IQSEC1: variants seen among roughly 807,000 people sequenced by gnomAD.
IQSEC1 encodes IQ motif and Sec7 domain ArfGEF 1.
A neutral mutation model predicts 91.0 loss-of-function variants in IQSEC1; 31 were observed. The ratio of observed to expected loss-of-function variants is 0.34; its 90% CI spans 0.26 to 0.46. The LOEUF (loss-of-function observed/expected upper bound fraction) is 0.46. Among genes scored for constraint, IQSEC1 ranks in the 20% least tolerant of loss-of-function variants. The pLI, the probability that IQSEC1 is intolerant of heterozygous loss-of-function variation, is 1.00. For missense variants in IQSEC1, 1,388 were observed against 1,575.6 expected, an observed-to-expected ratio of 0.88 and a Z score of 2.02; for synonymous variants, 699 against 662.6, an observed-to-expected ratio of 1.05 and a Z score of -0.84.
Position 12,908,743 on chromosome 3 carries a change from C to T in IQSEC1, c.2579-218G>A, listed in dbSNP as rs1003643174. On this transcript the variant is annotated intron_variant, in intron 11 of 13. Coordinates refer to ENST00000613206, the MANE Select transcript of IQSEC1 (RefSeq NM_001134382.3). This position sits in a 1 kb window ranked among gnomAD's most constrained non-coding sequence, Gnocchi z 4.9. Reference sequence around the variant, plus strand: ...TAGAGAGACCAGAGGGCCTTGTGACCTGCAGGAAGGATAGTCACCTTCCAG... The same window carrying T: ...TAGAGAGACCAGAGGGCCTTGTGACTTGCAGGAAGGATAGTCACCTTCCAG... Among the ~76,000 whole-genome samples the T allele has an allele frequency of 6.6e-6, 1 of 152,062 alleles. No homozygotes were observed. The highest frequency in any genetic ancestry group is 2.4e-5 in the African/African-American group (1 of 41,392).
chr3:13,191,956 G>A (rs1479180967), intron 1 of IQSEC1, among the ~76,000 whole-genome samples: 1 of 152,214 alleles, frequency 6.6e-6, no homozygotes, highest in Non-Finnish European at 1.5e-5. Context: ...AAGGAGTTCA[G>A]TTATGGGTTC....
intron 2 of IQSEC1, among the ~76,000 whole-genome samples, chr3:13,094,980 G>A (rs553966136): frequency 2.6e-5 from 4 of 152,240 alleles, no homozygotes; most frequent in East Asian, 3.9e-4. Flanking sequence ...CTGTGGCTGC[G>A]GTTTTGTTCG....
intron 1 of IQSEC1, among the ~76,000 whole-genome samples, chr3:13,186,780 C>T (rs1281949443): frequency 6.6e-6 from 1 of 152,120 alleles, no homozygotes; most frequent in African/African-American, 2.4e-5. Context: ...TGGACGGCGA[C>T]CCTTTGGCAG....
At chr3:13,265,340 T>C (rs1559289523) in intron 1 of IQSEC1, among the ~76,000 whole-genome samples, 2 of 152,208 alleles carry the variant, frequency 1.3e-5, no homozygotes, top group Admixed American at 6.5e-5. Context: ...AGCCCTCATC[T>C]GCTAAGTGGC....
chr3:13,216,722 G>A (rs1216252733), intron 1 of IQSEC1, among the ~76,000 whole-genome samples: 1 of 152,342 alleles, frequency 6.6e-6, no homozygotes, highest in Non-Finnish European at 1.5e-5. Flanking sequence ...AGAGTATGGT[G>A]AGCAGTGGAC....
At chr3:13,268,552 T>C (rs573515563) in intron 1 of IQSEC1, among the ~76,000 whole-genome samples, 1 of 152,228 alleles carries the variant, frequency 6.6e-6, no homozygotes, top group African/African-American at 2.4e-5. Context: ...CATGAACCTG[T>C]GTCTTTATAA....
intron 1 of IQSEC1, among the ~76,000 whole-genome samples, chr3:13,065,755 A>G (rs772512400): frequency 4.6e-5 from 7 of 152,226 alleles, no homozygotes; most frequent in Non-Finnish European, 1.0e-4. Context: ...ACAGAAATGG[A>G]ACCAGGGACT....
chr3:13,259,947 A>G lies in IQSEC1; in HGVS notation c.272+22764T>C, dbSNP rs145639320. Among the ~76,000 whole-genome samples the G allele has an allele frequency of 6.6e-6, 1 of 152,406 alleles. No individual in the cohort carries two copies. The highest frequency in any genetic ancestry group is 1.5e-5 in the Non-Finnish European group (1 of 68,046). On this transcript the variant is annotated intron_variant, in intron 1 of 15. Coordinates refer to the IQSEC1 transcript ENST00000648114. This position sits in a 1 kb window ranked among gnomAD's most constrained non-coding sequence, Gnocchi z 4.6. ...AATTAAGCAGATCTGCTTTCAAAAT[A>G]TGACTAATTAGAACAGTCGTGCTGG...
At chr3:12,903,993 G>A (rs1392238053) in intron 12 of IQSEC1, among the ~76,000 whole-genome samples, 1 of 149,724 alleles carries the variant, frequency 6.7e-6, no homozygotes, top group Non-Finnish European at 1.5e-5. Context: ...TGCCTTCAGA[G>A]CTGGACCCTA....
chr3:13,143,882 T>A (rs1481923787), intron 2 of IQSEC1, among the ~76,000 whole-genome samples: 1 of 152,150 alleles, frequency 6.6e-6, no homozygotes. Context: ...GATTTTTTAG[T>A]TGCATAAATC....
At chr3:13,145,806 G>GGC (rs1706883220) in intron 2 of IQSEC1, among the ~76,000 whole-genome samples, 2 of 67,724 alleles carry the variant, frequency 3.0e-5, no homozygotes, top group South Asian at 6.1e-4. Flanking sequence ...CCCGGGGGCG[G>GGC]GGGGGGGGGG....
At chr3:13,229,954 T>A (rs1694816629) in intron 1 of IQSEC1, among the ~76,000 whole-genome samples, 1 of 152,178 alleles carries the variant, frequency 6.6e-6, no homozygotes, top group African/African-American at 2.4e-5. Flanking sequence ...TTAATATGCA[T>A]AAAATATACA....
chr3:13,017,483 T>C (rs1441410822), intron 1 of IQSEC1, among the ~76,000 whole-genome samples: 1 of 152,162 alleles, frequency 6.6e-6, no homozygotes, highest in African/African-American at 2.4e-5. Flanking sequence ...CGGCGACAAG[T>C]GCTGCCCTGT....
At chr3:13,281,632 G>A (rs756055730) in intron 1 of IQSEC1, among the ~76,000 whole-genome samples, 1 of 152,154 alleles carries the variant, frequency 6.6e-6, no homozygotes, top group East Asian at 1.9e-4. Flanking sequence ...TGGGAAACTC[G>A]GGTTTCCATG....
At chr3:13,170,586 G>C (rs538193215) in intron 1 of IQSEC1, among the ~76,000 whole-genome samples, 5 of 152,234 alleles carry the variant, frequency 3.3e-5, no homozygotes, top group Non-Finnish European at 7.3e-5. Context: ...CAAAACCACA[G>C]GGACGGAGCT....
intron 1 of IQSEC1, among the ~76,000 whole-genome samples, chr3:13,183,361 G>C (rs1693878582): frequency 6.7e-6 from 1 of 150,098 alleles, no homozygotes; most frequent in South Asian, 2.1e-4. Flanking sequence ...CAGGCCAAGA[G>C]TTTGAGACCA....
In IQSEC1 at chr3:13,214,594, A is replaced by C. The variant is rs1694507635; in HGVS notation, c.273-50461T>G. On this transcript the variant is annotated intron_variant, in intron 1 of 15. Coordinates refer to the IQSEC1 transcript ENST00000648114. This position sits in a 1 kb window ranked among gnomAD's most constrained non-coding sequence, Gnocchi z 4.5. ...GACGAACCAGGGCAGGAATCCTAGC[A>C]GAAGCCTGTGAGGTGAGGAGGGGGC... 6.6e-6 allele frequency among the ~76,000 whole-genome samples: 1 copy of C among 152,362 alleles called. No individual in the cohort carries two copies. Among genetic ancestry groups the C allele is most frequent in the African/African-American group, 2.4e-5 (1 of 41,584 alleles).
intron 3 of IQSEC1, among the ~76,000 whole-genome samples, chr3:12,928,670 G>T (rs2125247098): frequency 6.6e-6 from 1 of 152,316 alleles, no homozygotes; most frequent in East Asian, 1.9e-4. Context: ...CCTGCTGGGT[G>T]GTGAATTCTC....
At chr3:12,911,767 CG>C in intron 9 of IQSEC1, 39 bp from the exon 10 acceptor site, 1 of 1,405,888 alleles carries the variant, frequency 7.1e-7, no homozygotes. Context: ...TACAGTGTCT[CG>C]GGGGGCACTG....
Sources: gnomAD v4.1 joint callset for allele counts (sites outside exome capture counted in the v4.1 genomes callset) on GRCh38, gnomAD v4.1.1 for gene constraint, Gnocchi (gnomAD v3.1) non-coding constraint, MANE v1.5 for transcripts, NCBI Gene and HGNC (gene_info 2026-07-23, HGNC 2026-07-21) for gene names.